Variants in MTG1 observed in about 807,000 individuals in gnomAD.
The protein encoded by MTG1 is mitochondrial ribosome-associated GTPase 1.
A neutral mutation model predicts 39.5 loss-of-function variants in MTG1; 30 were observed. The ratio of observed to expected loss-of-function variants is 0.76; its 90% CI spans 0.57 to 1.03. MTG1 has a LOEUF of 1.03. MTG1 is among the 50% of genes least tolerant of loss of function. MTG1 has a pLI of 0.00. For missense variants in MTG1, 513 were observed against 447.4 expected, an observed-to-expected ratio of 1.15 and a Z score of -1.32; for synonymous variants, 217 against 179.0, an observed-to-expected ratio of 1.21 and a Z score of -1.69.
rs1564818747 is a variant in MTG1 at position 133,399,128 on chromosome 10, C to T, written c.364-42C>T. The T allele has an allele frequency of 1.7e-5, 28 of 1,612,342 alleles. No homozygotes were observed. In the East Asian group the frequency reaches 4.9e-4, roughly 28 times the overall value. On this transcript the variant is annotated intron_variant, in intron 4 of 10. Transcript: ENST00000317502. ...CAGAAGGAGCGGGTCAGTGCACAGA[C>T]GTCCGACCTGGGGTGGCTCCATGAG...
intron 9 of MTG1, among the ~76,000 whole-genome samples, chr10:133,415,474 G>C (rs1176031267): frequency 6.6e-6 from 1 of 152,024 alleles, no homozygotes; most frequent in Non-Finnish European, 1.5e-5. Context: ...GCTTGAGAGG[G>C]GTTGGTCTCC....
At position 133,402,271 on chromosome 10, in the gene MTG1, G is replaced by A; in HGVS notation, c.670+26G>A. The A allele has an allele frequency of 6.2e-7, 1 of 1,612,696 alleles. No homozygotes were observed. Among genetic ancestry groups the A allele is most frequent in the Non-Finnish European group, 8.5e-7 (1 of 1,179,598 alleles). ...GTGAGCCGGGGCTGGGGCTGGGGCT[G>A]GGGCTGGGACCGGGGCCCCTGCCAC... is the stretch of plus-strand genomic sequence containing the variant. On this transcript the variant is annotated intron_variant, in intron 8 of 10. Coordinates refer to ENST00000317502, the MANE Select transcript of MTG1 (RefSeq NM_138384.4). This position sits in a 1 kb window ranked among gnomAD's most constrained non-coding sequence, Gnocchi z 4.7.
chr10:133,405,932 A>G (rs189866079), intron 9 of MTG1, among the ~76,000 whole-genome samples: 2 of 152,346 alleles, frequency 1.3e-5, no homozygotes, highest in East Asian at 1.9e-4. Context: ...TAGTAGCTGT[A>G]CTAACTTACA....
In MTG1 at chr10:133,402,205, G is replaced by A; in HGVS notation, c.630G>A (p.Arg210=). Residue 210 remains arginine (R), a synonymous_variant, in exon 8 of 11, where the codon CGG becomes CGA. Transcript: ENST00000317502. The surrounding 1 kb of genome is among the most constrained non-coding windows in gnomAD (Gnocchi z 4.7). ...ACACTCCTGGCGTGCTGGCTCCTCG[G>A]ATTGAAAGTGTGGAGACAGGCCTGA... ...LLDTPGVLAP[R]IESVETGLKL... 3.1e-6 allele frequency: 5 copies of A among 1,599,148 alleles called. No individual in the cohort carries two copies. Among genetic ancestry groups the A allele is most frequent in the Non-Finnish European group, 4.3e-6 (5 of 1,170,698 alleles).
At chr10:133,394,718 A>G (rs536633671) in intron 1 of MTG1, 5 of 1,040,988 alleles carry the variant, frequency 4.8e-6, no homozygotes, top group Non-Finnish European at 5.8e-6. Flanking sequence ...TGGGGACTAA[A>G]TGAAACAGTG....
At chr10:133,394,741 C>T (rs1021848936) in intron 1 of MTG1, 15 of 1,011,398 alleles carry the variant, frequency 1.5e-5, no homozygotes, top group Admixed American at 5.9e-5. Context: ...TATGAAGGCA[C>T]CTGTTCAGTT....
At position 133,395,701 on chromosome 10, in the gene MTG1, T is replaced by C; in HGVS notation, c.113-12T>C. 6.2e-7 allele frequency: 1 copy of C among 1,613,922 alleles called. No homozygotes were observed. The highest frequency in any genetic ancestry group is 8.5e-7 in the Non-Finnish European group (1 of 1,179,910). Reference sequence around the variant, plus strand: ...GTGAGCCCCTTCGCTGAGGCGTCCTTCTGTTTTCCAGGGCTGAAGAAGATG... The same window carrying C: ...GTGAGCCCCTTCGCTGAGGCGTCCTCCTGTTTTCCAGGGCTGAAGAAGATG... On this transcript the variant is annotated splice_polypyrimidine_tract_variant and intron_variant, in intron 1 of 10. Coordinates refer to ENST00000317502, the MANE Select transcript of MTG1 (RefSeq NM_138384.4).
intron 9 of MTG1, among the ~76,000 whole-genome samples, chr10:133,416,210 G>T (rs1426901353): frequency 1.3e-5 from 2 of 151,840 alleles, no homozygotes; most frequent in Non-Finnish European, 2.9e-5. Flanking sequence ...TTTCACTTCC[G>T]CAAGTTGAGT....
At position 133,402,086 on chromosome 10, in the gene MTG1, G is replaced by T. The variant is rs1224548486; in HGVS notation, c.574-63G>T. On this transcript the variant is annotated intron_variant, in intron 7 of 10. Coordinates refer to ENST00000317502, the MANE Select transcript of MTG1 (RefSeq NM_138384.4). The surrounding 1 kb of genome is among the most constrained non-coding windows in gnomAD (Gnocchi z 4.7). ...GTGCCAGGGGCTGCCCAGGCTTCCT[G>T]AGTGGCCCACCTGGGTGGGAGGCTG... The T allele has an allele frequency of 3.1e-6, 5 of 1,601,574 alleles. No individual in the cohort carries two copies. In the South Asian group the frequency reaches 4.4e-5, roughly 14 times the overall value.
At chr10:133,407,340 A>G (rs1008997930) in intron 9 of MTG1, among the ~76,000 whole-genome samples, 3 of 152,120 alleles carry the variant, frequency 2.0e-5, no homozygotes, top group Non-Finnish European at 4.4e-5. Flanking sequence ...TGTCATTGCT[A>G]TTTTGATAAC....
In MTG1 at chr10:133,401,539, C is replaced by A; in HGVS notation, c.522C>A (p.Thr174=). ...RRQHLRKGKA[T]RVGGEPGITR... ...CTCCTTTTCCTACAGGGAAAGCCAC[C>A]AGGGTGGGTGGCGAGCCTGGGATCA... Residue 174 remains threonine (T), a synonymous_variant, in exon 7 of 11, where the codon ACC becomes ACA. Coordinates refer to ENST00000317502, the MANE Select transcript of MTG1 (RefSeq NM_138384.4). The A allele has an allele frequency of 6.3e-7, 1 of 1,582,716 alleles. No individual in the cohort carries two copies. The highest frequency in any genetic ancestry group is 1.2e-5 in the South Asian group (1 of 86,940).
At chr10:133,418,881 G>A (rs897038902) in intron 9 of MTG1, among the ~76,000 whole-genome samples, 14 of 152,234 alleles carry the variant, frequency 9.2e-5, no homozygotes, top group African/African-American at 3.1e-4. Flanking sequence ...TCTGCCCAGA[G>A]CCTGCACTGT....
Position 133,395,752 on chromosome 10 carries a change from GTA to G in MTG1, c.154_155del (p.Ile52HisfsTer24), listed in dbSNP as rs1849772640. The G allele has an allele frequency of 6.2e-7, 1 of 1,614,128 alleles. No individual in the cohort carries two copies. The highest frequency in any genetic ancestry group is 8.5e-7 in the Non-Finnish European group (1 of 1,180,026). On this transcript the variant is annotated frameshift_variant, in exon 2 of 11. Transcript: ENST00000317502. LOFTEE classifies it high-confidence loss of function. ...CAGAGCAGCCTGAAGCTGGTGGACT[GTA>G]TCATCGAGGTCCACGATGCCCGGAT...
chr10:133,419,964 G>A (rs1850202650), intron 10 of MTG1, 62 bp from the exon 11 acceptor site: 3 of 1,539,864 alleles, frequency 1.9e-6, no homozygotes, highest in Non-Finnish European at 1.8e-6. Context: ...CCTCAGGTGG[G>A]TAAGGGCTGG....
chr10:133,419,443 C>G (rs1337190725), intron 9 of MTG1, 37 bp from the exon 10 acceptor site: 1 of 1,544,044 alleles, frequency 6.5e-7, no homozygotes, highest in Admixed American at 1.9e-5. Context: ...GGTGTCAGTG[C>G]TGGGCCCCCT....
At chr10:133,399,815 T>C (rs1399104983) in intron 6 of MTG1, 196 bp downstream of exon 6, 1 of 493,348 alleles carries the variant, frequency 2.0e-6, no homozygotes. Context: ...CAGGTCGTTC[T>C]GTGAATTTCA....
At chr10:133,400,154 T>C (rs1378770716) in intron 6 of MTG1, among the ~76,000 whole-genome samples, 1 of 151,454 alleles carries the variant, frequency 6.6e-6, no homozygotes, top group Admixed American at 6.6e-5. Flanking sequence ...ATTGTGCCAC[T>C]GCGTTCCAGC....
chr10:133,422,493 C>G lies in MTG1; in HGVS notation c.*2328C>G, dbSNP rs1356413126. 1 of 152,324 alleles carries G rather than the reference C, an allele frequency of 6.6e-6. No individual in the cohort carries two copies. The highest frequency in any genetic ancestry group is 2.4e-5 in the African/African-American group (1 of 41,446). 9.4% of individuals were successfully genotyped at this position (152,324 alleles called of 1,614,324 possible). A position where few individuals can be genotyped will look rare whatever the true frequency, so the allele number is the denominator to read the frequency against. On this transcript the variant is annotated 3_prime_UTR_variant, in exon 11 of 11. Transcript: ENST00000317502. Reference sequence around the variant, plus strand: ...TGGTTTTTCCCCCCCAAAATGGGTCCTAAGGAGGGTAAAGTGACTTGTTTC... The same window carrying G: ...TGGTTTTTCCCCCCCAAAATGGGTCGTAAGGAGGGTAAAGTGACTTGTTTC...
At chr10:133,418,411 C>T (rs988329599) in intron 9 of MTG1, among the ~76,000 whole-genome samples, 1 of 151,496 alleles carries the variant, frequency 6.6e-6, no homozygotes, top group African/African-American at 2.4e-5. Context: ...TGGAAACAGT[C>T]CGGTCCTTTC....
Sources: allele counts gnomAD v4.1 joint callset (sites outside exome capture counted in the v4.1 genomes callset), GRCh38; gene constraint gnomAD v4.1.1; non-coding constraint Gnocchi (gnomAD v3.1); transcripts MANE v1.5; gene names NCBI Gene and HGNC (gene_info 2026-07-23, HGNC 2026-07-21).